ZNF362: variants seen among roughly 807,000 people sequenced by gnomAD.
The protein encoded by ZNF362 is rotund homolog.
Under a neutral mutation model 42.9 loss-of-function variants are expected in ZNF362, and 11 were observed. The ratio of observed to expected loss-of-function variants is 0.26; its 90% confidence interval spans 0.16 to 0.42. ZNF362 has a LOEUF of 0.42. Among genes scored for constraint, ZNF362 ranks in the 20% least tolerant of loss-of-function variants. The pLI is 1.00. For missense variants in ZNF362, 362 were observed against 576.2 expected (o/e 0.63, Z 3.81); for synonymous variants, 255 against 257.3 (o/e 0.99, Z 0.09).
At chr1:33,265,336 G>A (rs918622873) in intron 1 of ZNF362, among the ~76,000 whole-genome samples, 1 of 151,662 alleles carries the variant, frequency 6.6e-6, no homozygotes, top group Non-Finnish European at 1.5e-5. Flanking sequence ...GAGGGGGAGG[G>A]ACAGTGAGGG....
the ZNF362 span, among the ~76,000 whole-genome samples, chr1:33,188,707 G>A: frequency 1.3e-5 from 2 of 152,218 alleles, no homozygotes; most frequent in Non-Finnish European, 2.9e-5. Flanking sequence ...AGCCCATGCT[G>A]TTGGGCCATG....
intron 1 of ZNF362, among the ~76,000 whole-genome samples, chr1:33,257,070 G>A (rs367741084): frequency 6.6e-6 from 1 of 152,324 alleles, no homozygotes; most frequent in East Asian, 1.9e-4. Context: ...GCCCGGTGGA[G>A]CAGCCAGTGC....
chr1:33,200,859 G>T, the ZNF362 span, among the ~76,000 whole-genome samples: 2 of 152,118 alleles, frequency 1.3e-5, no homozygotes, highest in Non-Finnish European at 2.9e-5. Context: ...AGATAATCAG[G>T]TTAAATTAGG....
In ZNF362 at chr1:33,266,962, C is replaced by T. The variant is rs890249869; in HGVS notation, c.-88-3525C>T. 2.0e-5 allele frequency among the ~76,000 whole-genome samples: 3 copies of T among 152,198 alleles called. No individual in the cohort carries two copies. Among genetic ancestry groups the T allele is most frequent in the Non-Finnish European group, 4.4e-5 (3 of 68,040 alleles). ...GAAGGATTTTAAGCGGTAGACTTAG[C>T]GCCCTGGGAAGGCTCTCCTTCGGCT... is the stretch of plus-strand genomic sequence containing the variant. On this transcript the variant is annotated intron_variant, in intron 1 of 8. Coordinates refer to ENST00000539719, the MANE Select transcript of ZNF362 (RefSeq NM_152493.3). This position sits in a 1 kb window ranked among gnomAD's most constrained non-coding sequence, Gnocchi z 4.3.
chr1:33,177,474 C>T, the ZNF362 span, among the ~76,000 whole-genome samples: 1 of 151,998 alleles, frequency 6.6e-6, no homozygotes, highest in Non-Finnish European at 1.5e-5. The surrounding 1 kb of genome is among the most constrained non-coding windows in gnomAD (Gnocchi z 4.1). Context: ...AGGATCTGAC[C>T]CCTGTGATGT....
chr1:33,274,492 T>C (rs2148091263), intron 2 of ZNF362, among the ~76,000 whole-genome samples: 1 of 152,262 alleles, frequency 6.6e-6, no homozygotes, highest in South Asian at 2.1e-4. Context: ...AGGCAGGAAG[T>C]ACTTCTTGTG....
At chr1:33,225,401 G>A in the ZNF362 span, among the ~76,000 whole-genome samples, 1 of 152,078 alleles carries the variant, frequency 6.6e-6, no homozygotes, top group African/African-American at 2.4e-5. Flanking sequence ...TTACCTAAAT[G>A]TAAGCTGATT....
At chr1:33,274,899 C>T in intron 2 of ZNF362, 1 of 958,178 alleles carries the variant, frequency 1.0e-6, no homozygotes, top group Non-Finnish European at 1.2e-6. Context: ...GTAAAGATCA[C>T]AAGAGATAAT....
rs1645946509 is a variant in ZNF362, at chr1:33,276,344, G to A, written c.103-4G>A. 5 of 1,549,064 alleles carry A rather than the reference G, an allele frequency of 3.2e-6. No homozygotes were observed. Among genetic ancestry groups the A allele is most frequent in the Non-Finnish European group, 4.4e-6 (5 of 1,144,268 alleles). On this transcript the variant is annotated splice_polypyrimidine_tract_variant and splice_region_variant and intron_variant, in intron 3 of 8. Transcript: ENST00000539719. Reference sequence around the variant, plus strand: ...CTCCTCAGCCCGTCCTCTTCTTCCCGCAGCTGGACAACCTGGTTCTGATTA... The same window carrying A: ...CTCCTCAGCCCGTCCTCTTCTTCCCACAGCTGGACAACCTGGTTCTGATTA...
In ZNF362 at chr1:33,280,286, C is replaced by T. The variant is rs200063572; in HGVS notation, c.512C>T (p.Pro171Leu). The change falls in exon 5 of 9, where the codon CCT becomes CTT. Residue 171 changes from proline to leucine, a missense_variant. Physicochemically the swap from Pro to Leu is moderately conservative, Grantham distance 98. Transcript: ENST00000539719. The surrounding 1 kb of genome is among the most constrained non-coding windows in gnomAD (Gnocchi z 5.6). ...PTLISGITSP[P>L]LLDSIKTIQG... ...CTCATCTCAGGGATCACCAGCCCCCCTCTCCTGGACTCCATCAAGACAATC... is the reference window on the plus strand; with the variant it reads ...CTCATCTCAGGGATCACCAGCCCCCTTCTCCTGGACTCCATCAAGACAATC... 1.2e-6 allele frequency: 2 copies of T among 1,614,110 alleles called. No homozygotes were observed. Among genetic ancestry groups the T allele is most frequent in the Admixed American group, 1.7e-5 (1 of 60,030 alleles).
intron 2 of ZNF362, among the ~76,000 whole-genome samples, chr1:33,271,090 C>G (rs1010551481): frequency 6.6e-6 from 1 of 152,158 alleles, no homozygotes; most frequent in African/African-American, 2.4e-5. Flanking sequence ...CTTTCTAGTC[C>G]CCTCTACATT....
chr1:33,228,036 A>C, the ZNF362 span, among the ~76,000 whole-genome samples: 337 of 152,086 alleles, frequency 2.2e-3, 3 homozygotes, highest in African/African-American at 7.9e-3. Context: ...CTTTTACATA[A>C]ATTTGTTGGG....
At chr1:33,159,076 C>T in the ZNF362 span, among the ~76,000 whole-genome samples, 8 of 151,840 alleles carry the variant, frequency 5.3e-5, no homozygotes, top group African/African-American at 1.7e-4. This position sits in a 1 kb window ranked among gnomAD's most constrained non-coding sequence, Gnocchi z 4.2. Flanking sequence ...AACTCCTGAC[C>T]TCAGGTAATC....
chr1:33,189,655 A>ATATATATATATATATATATATG, the ZNF362 span, among the ~76,000 whole-genome samples: 1 of 23,332 alleles, frequency 4.3e-5, no homozygotes, highest in African/African-American at 8.0e-5. Flanking sequence ...ATATATATAT[A>ATATATATATATATATATATATG]TATATATATA....
At chr1:33,234,715 C>T in the ZNF362 span, among the ~76,000 whole-genome samples, 2 of 152,200 alleles carry the variant, frequency 1.3e-5, no homozygotes, top group African/African-American at 4.8e-5. Flanking sequence ...GCTCCCTGTG[C>T]AGCCTTGACC....
At chr1:33,252,338 G>A (rs1310932182), upstream of ZNF362, among the ~76,000 whole-genome samples, 3 of 150,476 alleles carry the variant, frequency 2.0e-5, no homozygotes, top group Non-Finnish European at 4.4e-5. Flanking sequence ...GGCAACAAGA[G>A]TGAAACTCCA....
chr1:33,257,310 G>T (rs1414457131), intron 1 of ZNF362, among the ~76,000 whole-genome samples: 1 of 150,562 alleles, frequency 6.6e-6, no homozygotes, highest in Non-Finnish European at 1.5e-5. Flanking sequence ...CAATGCAATT[G>T]CACTTTAAAG....
At chr1:33,270,403 C>T (rs1258072693) in intron 1 of ZNF362, 84 bp from the exon 2 acceptor site, 1 of 585,880 alleles carries the variant, frequency 1.7e-6, no homozygotes, top group African/African-American at 1.9e-5. Flanking sequence ...ACATATTCAA[C>T]ACATAGATGT....
the ZNF362 span, among the ~76,000 whole-genome samples, chr1:33,139,097 T>C: frequency 2.0e-5 from 3 of 152,212 alleles, no homozygotes; most frequent in African/African-American, 7.2e-5. Context: ...TTTTCATTTT[T>C]TAAAATGAGC....
Sources: allele counts gnomAD v4.1 joint callset (sites outside exome capture counted in the v4.1 genomes callset), GRCh38; gene constraint gnomAD v4.1.1; non-coding constraint Gnocchi (gnomAD v3.1); transcripts MANE v1.5; gene names NCBI Gene and HGNC (gene_info 2026-07-23, HGNC 2026-07-21).